Variants in SMAD9 observed in about 807,000 individuals in gnomAD.
The protein encoded by SMAD9 is MAD homolog 9.
SMAD9 carries 36 observed loss-of-function variants against 46.1 expected under a neutral mutation model. The ratio of observed to expected loss-of-function variants is 0.78; its 90% confidence interval spans 0.60 to 1.03. The LOEUF is 1.03. Among genes scored for constraint, SMAD9 ranks in the 50% least tolerant of loss-of-function variants. SMAD9 has a pLI of 0.00. For synonymous variants in SMAD9, 245 were observed against 237.1 expected (o/e 1.03, Z -0.31); for missense variants, 572 against 599.8 (o/e 0.95, Z 0.48).
rs2058041187 is a variant in SMAD9 at position 36,846,800 on chromosome 13, T to C, written c.*1876A>G. On this transcript the variant is annotated 3_prime_UTR_variant, in exon 7 of 7. Coordinates refer to ENST00000379826, the MANE Select transcript of SMAD9 (RefSeq NM_001127217.3). ...CAGAGATAAGAAATCAATCACATTC[T>C]TTCAAGCAAAAGATGATAGATTACA... The C allele has an allele frequency of 6.6e-6, 1 of 152,230 alleles. No individual in the cohort carries two copies. The highest frequency in any genetic ancestry group is 1.5e-5 in the Non-Finnish European group (1 of 68,040). The allele number at this position is 152,230 out of a possible 1,614,324, so 9.4% of individuals were successfully genotyped here.
chr13:36,893,929 C>A (rs990341720), intron 1 of SMAD9, among the ~76,000 whole-genome samples: 1 of 151,984 alleles, frequency 6.6e-6, no homozygotes, highest in Non-Finnish European at 1.5e-5. Flanking sequence ...GCTACATATT[C>A]TTTTGAATGT....
At chr13:36,880,947 A>T (rs1448665394) in intron 1 of SMAD9, among the ~76,000 whole-genome samples, 2 of 152,150 alleles carry the variant, frequency 1.3e-5, no homozygotes, top group Non-Finnish European at 2.9e-5. Context: ...TACAGAAGCA[A>T]GAGTTCTTTG....
chr13:36,904,019 TAATA>T (rs1178909941), intron 1 of SMAD9, among the ~76,000 whole-genome samples: 1 of 152,198 alleles, frequency 6.6e-6, no homozygotes, highest in Non-Finnish European at 1.5e-5. Context: ...ACCCTACTGT[TAATA>T]TATATTATGT....
chr13:36,918,552 T>C (rs2058716523), intron 1 of SMAD9, among the ~76,000 whole-genome samples: 1 of 152,240 alleles, frequency 6.6e-6, no homozygotes, highest in African/African-American at 2.4e-5. Context: ...TGTCATCTTG[T>C]ATTTAAAATG....
chr13:36,897,026 GTTTTC>G (rs1392700292), intron 1 of SMAD9, among the ~76,000 whole-genome samples: 13 of 151,258 alleles, frequency 8.6e-5, no homozygotes, highest in African/African-American at 3.2e-4. Context: ...TTATGAGCTG[GTTTTC>G]AACAGCTTCA....
chr13:36,880,372 G>C (rs1248093517), intron 1 of SMAD9, among the ~76,000 whole-genome samples: 1 of 152,060 alleles, frequency 6.6e-6, no homozygotes, highest in Admixed American at 6.6e-5. Flanking sequence ...CTCTGCCTGG[G>C]TTTTTCCAGG....
intron 1 of SMAD9, among the ~76,000 whole-genome samples, chr13:36,902,735 C>T (rs1227490637): frequency 3.9e-5 from 6 of 152,120 alleles, no homozygotes; most frequent in Non-Finnish European, 8.8e-5. Flanking sequence ...GGATTACAGG[C>T]GTGAGCCACC....
At chr13:36,888,812 A>T (rs1296885586) in intron 1 of SMAD9, among the ~76,000 whole-genome samples, 1 of 152,186 alleles carries the variant, frequency 6.6e-6, no homozygotes, top group South Asian at 2.1e-4. Context: ...TTACTAAAGG[A>T]TGTGATTAAC....
intron 1 of SMAD9, among the ~76,000 whole-genome samples, chr13:36,912,344 G>T (rs941670576): frequency 7.9e-5 from 12 of 152,140 alleles, no homozygotes; most frequent in African/African-American, 2.9e-4. Context: ...GTGAAAGGTG[G>T]AGTGGTTCAA....
intron 1 of SMAD9, among the ~76,000 whole-genome samples, chr13:36,916,257 T>G (rs2058697806): frequency 6.6e-6 from 1 of 152,248 alleles, no homozygotes; most frequent in Non-Finnish European, 1.5e-5. Flanking sequence ...CATTAGTGTT[T>G]CATTGTGGTA....
chr13:36,908,643 C>A (rs955019704), intron 1 of SMAD9, among the ~76,000 whole-genome samples: 1 of 152,116 alleles, frequency 6.6e-6, no homozygotes, highest in African/African-American at 2.4e-5. Flanking sequence ...AATACATCAT[C>A]ATCACTCCTG....
intron 3 of SMAD9, among the ~76,000 whole-genome samples, chr13:36,869,121 C>T (rs756098139): frequency 2.6e-5 from 4 of 151,910 alleles, no homozygotes; most frequent in Admixed American, 1.3e-4. Context: ...TAGGGAAATA[C>T]GGAGCTATTG....
rs181634186 is a variant in SMAD9 at position 36,848,558 on chromosome 13, G to C, written c.*118C>G. Reference sequence around the variant, plus strand: ...ACGGTGATTAAAAAAAATAAGAACAGTATACATTCTATGTATTTACACATG... The same window carrying C: ...ACGGTGATTAAAAAAAATAAGAACACTATACATTCTATGTATTTACACATG... On this transcript the variant is annotated 3_prime_UTR_variant, in exon 7 of 7. Transcript: ENST00000379826. The C allele has an allele frequency of 1.1e-5, 11 of 979,358 alleles. No individual in the cohort carries two copies. The highest frequency in any genetic ancestry group is 1.8e-5 in the Non-Finnish European group (11 of 605,524). The allele number at this position is 979,358 out of a possible 1,614,324, so 60.7% of individuals were successfully genotyped here.
In SMAD9 at chr13:36,879,590, C is replaced by A. The variant is rs1388828700; in HGVS notation, c.100G>T (p.Ala34Ser). The change falls in exon 2 of 7, where the codon GCA becomes TCA. Residue 34 changes from alanine (A) to serine (S), a missense_variant. Ala to Ser is a moderately conservative substitution (Grantham distance 99). Transcript: ENST00000379826. ...WKQGDEEEKW[A>S]EKAVDSLVKK... is the part of the protein sequence containing the mutation. ...ACTAGAGAGTCCACTGCCTTCTCTG[C>A]CCACTTTTCCTCTTCATCTCCTTGC... 6.2e-7 allele frequency: 1 copy of A among 1,614,230 alleles called. No homozygotes were observed.
chr13:36,854,637 G>C (rs894484615), intron 5 of SMAD9, among the ~76,000 whole-genome samples: 7 of 152,146 alleles, frequency 4.6e-5, no homozygotes, highest in Admixed American at 2.6e-4. Flanking sequence ...CTCCCAAAGT[G>C]CTGGGATTAC....
chr13:36,877,779 G>A (rs915460341), intron 2 of SMAD9, among the ~76,000 whole-genome samples: 4 of 152,188 alleles, frequency 2.6e-5, no homozygotes, highest in Non-Finnish European at 5.9e-5. Flanking sequence ...TGGGCTGTGG[G>A]AGGCATCCAC....
rs1274723191 is a variant in SMAD9 at position 36,848,590 on chromosome 13, GA to G, written c.*85del. ...TTCTATGTATTTACACATGTTTTTA[GA>G]AACTTCAGTTGCAAATCTGAAATGA... is the stretch of plus-strand genomic sequence containing the variant. On this transcript the variant is annotated 3_prime_UTR_variant, in exon 7 of 7. Transcript: ENST00000379826. 7.8e-7 allele frequency: 1 copy of G among 1,277,890 alleles called. No homozygotes were observed. The highest frequency in any genetic ancestry group is 1.1e-6 in the Non-Finnish European group (1 of 874,490). The allele number at this position is 1,277,890 out of a possible 1,614,324, so 79.2% of individuals were successfully genotyped here.
chr13:36,875,403 G>A (rs2058336685), intron 2 of SMAD9, among the ~76,000 whole-genome samples: 1 of 152,144 alleles, frequency 6.6e-6, no homozygotes, highest in African/African-American at 2.4e-5. Context: ...ACTGCTACAG[G>A]TGAGGGTGGC....
chr13:36,919,336 C>G (rs573982623), intron 1 of SMAD9, among the ~76,000 whole-genome samples: 27 of 152,264 alleles, frequency 1.8e-4, no homozygotes, highest in Middle Eastern at 3.4e-3. Context: ...TATCTGCTTC[C>G]CACCTCGCCC....
Sources: allele counts gnomAD v4.1 joint callset (sites outside exome capture counted in the v4.1 genomes callset), GRCh38; gene constraint gnomAD v4.1.1; transcripts MANE v1.5; gene names NCBI Gene and HGNC (gene_info 2026-07-23, HGNC 2026-07-21).